The following EPHA4 variants were observed in gnomAD, a reference collection of about 807,000 sequenced individuals.
EPHA4 encodes the protein ephrin type-A receptor 4.
In EPHA4, 19 loss-of-function variants were observed where a neutral mutation model predicts 108.3. The observed-to-expected ratio is 0.18, with a 90% CI of 0.12 to 0.26. The LOEUF (loss-of-function observed/expected upper bound fraction) is 0.26, where lower values mean the gene tolerates loss of function less well. Among genes scored for constraint, EPHA4 ranks in the 10% least tolerant of loss-of-function variants. The pLI, the probability that EPHA4 is intolerant of heterozygous loss-of-function variation, is 1.00. For missense variants in EPHA4, 917 were observed against 1,254.0 expected (o/e 0.73, Z 4.06); for synonymous variants, 449 against 455.5 (o/e 0.99, Z 0.18).
At chr2:221,499,409 G>A (rs985789326) in intron 4 of EPHA4, among the ~76,000 whole-genome samples, 3 of 149,780 alleles carry the variant, frequency 2.0e-5, no homozygotes, top group East Asian at 1.9e-4. Flanking sequence ...TATAAACCAC[G>A]TATTAAGATT....
intron 5 of EPHA4, among the ~76,000 whole-genome samples, chr2:221,458,260 G>A (rs888865108): frequency 1.3e-5 from 2 of 152,162 alleles, no homozygotes; most frequent in African/African-American, 2.4e-5. Flanking sequence ...AGCACGTAGA[G>A]ACATTTCTCA....
chr2:221,495,588 A>T (rs1692272894), intron 4 of EPHA4, among the ~76,000 whole-genome samples: 1 of 152,208 alleles, frequency 6.6e-6, no homozygotes, highest in African/African-American at 2.4e-5. Flanking sequence ...GCTTCCATAG[A>T]AACATCTCAG....
At chr2:221,518,095 C>G (rs374733077) in intron 3 of EPHA4, among the ~76,000 whole-genome samples, 101 of 152,312 alleles carry the variant, frequency 6.6e-4, no homozygotes, top group African/African-American at 2.0e-3. Context: ...CCTCCCAGAA[C>G]AGAATTTCAT....
At chr2:221,456,896 A>G (rs540961961) in intron 6 of EPHA4, 124 bp from the exon 7 acceptor site, 2 of 963,370 alleles carry the variant, frequency 2.1e-6, no homozygotes, top group Admixed American at 4.6e-5. Flanking sequence ...GAGATGAATA[A>G]ACTCTCTGGA....
Position 221,571,224 on chromosome 2 carries a change from C to T in EPHA4, c.91+934G>A, listed in dbSNP as rs900998175. ...CACACCACACATGCAGACATGCACA[C>T]ACACGCAGACATGCACACACACACC... On this transcript the variant is annotated intron_variant, in intron 1 of 17. Coordinates refer to ENST00000281821, the MANE Select transcript of EPHA4 (RefSeq NM_004438.5). This position sits in a 1 kb window ranked among gnomAD's most constrained non-coding sequence, Gnocchi z 6.3. 6.6e-6 allele frequency among the ~76,000 whole-genome samples: 1 copy of T among 151,242 alleles called. No individual in the cohort carries two copies. Among genetic ancestry groups the T allele is most frequent in the East Asian group, 2.0e-4 (1 of 5,072 alleles).
chr2:221,553,404 C>G (rs1466925982), intron 3 of EPHA4, among the ~76,000 whole-genome samples: 1 of 152,094 alleles, frequency 6.6e-6, no homozygotes. Context: ...GGACAAAAGC[C>G]CAAGAGAAAA....
At position 221,419,050 on chromosome 2, in the gene EPHA4, T is replaced by C. The variant is rs963275650; in HGVS notation, c.*2322A>G. The C allele has an allele frequency of 6.6e-6, 1 of 152,382 alleles. No individual in the cohort carries two copies. Among genetic ancestry groups the C allele is most frequent in the African/African-American group, 2.4e-5 (1 of 41,296 alleles). 9.4% of individuals were successfully genotyped at this position (152,382 alleles called of 1,614,324 possible). Reference sequence around the variant, plus strand: ...TCAACAATAAATGGTTCAGAATCTATTTTTTTTCCTCATTTTTCCCTGATT... The same window carrying C: ...TCAACAATAAATGGTTCAGAATCTACTTTTTTTCCTCATTTTTCCCTGATT... On this transcript the variant is annotated 3_prime_UTR_variant, in exon 18 of 18. Transcript: ENST00000281821.
chr2:221,427,900 G>A (rs1689960167), intron 15 of EPHA4, among the ~76,000 whole-genome samples: 1 of 151,932 alleles, frequency 6.6e-6, no homozygotes, highest in African/African-American at 2.4e-5. Flanking sequence ...ACAAAGATTT[G>A]TTTTATCAGT....
intron 5 of EPHA4, among the ~76,000 whole-genome samples, chr2:221,458,428 C>T (rs1691029947): frequency 6.6e-6 from 1 of 152,100 alleles, no homozygotes; most frequent in Admixed American, 6.5e-5. Context: ...TTCATGCAAG[C>T]AAGAGAATGT....
At chr2:221,572,545 A>C (rs1401422385), upstream of EPHA4, 1 of 232,436 alleles carries the variant, frequency 4.3e-6, no homozygotes, top group African/African-American at 2.3e-5. Context: ...GGAGGGAGCC[A>C]GCGGGATCCC....
In EPHA4 at chr2:221,571,940, A is replaced by T. The variant is rs1021721973; in HGVS notation, c.91+218T>A. Among the ~76,000 whole-genome samples the T allele has an allele frequency of 6.6e-6, 1 of 151,902 alleles. No individual in the cohort carries two copies. The highest frequency in any genetic ancestry group is 1.5e-5 in the Non-Finnish European group (1 of 67,962). On this transcript the variant is annotated intron_variant, in intron 1 of 17. Transcript: ENST00000281821. The surrounding 1 kb of genome is among the most constrained non-coding windows in gnomAD (Gnocchi z 6.3). Reference sequence around the variant, plus strand: ...GGCCTTTGGTTACAAACTTGGACAGACCCGCCGCGTGCACGGGTCACCGCC... The same window carrying T: ...GGCCTTTGGTTACAAACTTGGACAGTCCCGCCGCGTGCACGGGTCACCGCC...
intron 5 of EPHA4, among the ~76,000 whole-genome samples, chr2:221,470,228 G>A (rs957227863): frequency 6.6e-5 from 10 of 152,002 alleles, no homozygotes; most frequent in Non-Finnish European, 1.3e-4. Context: ...CCAAGTCCAA[G>A]TGTTGCTTGG....
chr2:221,522,281 A>G (rs978695817), intron 3 of EPHA4, among the ~76,000 whole-genome samples: 3 of 152,246 alleles, frequency 2.0e-5, no homozygotes, highest in African/African-American at 7.2e-5. Flanking sequence ...TCCAGCCATC[A>G]GATAGGGTAT....
chr2:221,435,744 G>A (rs763656523), intron 13 of EPHA4, among the ~76,000 whole-genome samples: 3 of 152,178 alleles, frequency 2.0e-5, no homozygotes, highest in Middle Eastern at 3.4e-3. Context: ...CCTAATCCCC[G>A]CTTATCTACC....
intron 5 of EPHA4, among the ~76,000 whole-genome samples, chr2:221,481,447 C>G (rs558468870): frequency 6.6e-6 from 1 of 151,010 alleles, no homozygotes; most frequent in East Asian, 2.0e-4. Context: ...GTCAGGAGTT[C>G]GAGACCAGCC....
At chr2:221,525,635 A>G (rs1031499080) in intron 3 of EPHA4, among the ~76,000 whole-genome samples, 2 of 152,206 alleles carry the variant, frequency 1.3e-5, no homozygotes, top group African/African-American at 4.8e-5. Context: ...CTTCCTCAGC[A>G]AAATGGGGTT....
intron 13 of EPHA4, among the ~76,000 whole-genome samples, chr2:221,434,543 C>T (rs1690173428): frequency 6.6e-6 from 1 of 152,150 alleles, no homozygotes; most frequent in African/African-American, 2.4e-5. Flanking sequence ...CTGAGCTCTG[C>T]TTAAGGCAAT....
intron 2 of EPHA4, among the ~76,000 whole-genome samples, chr2:221,566,561 A>G (rs895177639): frequency 7.2e-5 from 11 of 152,036 alleles, no homozygotes; most frequent in African/African-American, 2.4e-4. Flanking sequence ...TAATTCTTTT[A>G]TATACAAATA....
intron 11 of EPHA4, among the ~76,000 whole-genome samples, chr2:221,442,577 G>T (rs1173988287): frequency 3.3e-5 from 5 of 152,104 alleles, no homozygotes; most frequent in Non-Finnish European, 5.9e-5. Flanking sequence ...CTGAAGGATG[G>T]CATGGCATAC....
Sources: allele counts gnomAD v4.1 joint callset (sites outside exome capture counted in the v4.1 genomes callset), GRCh38; gene constraint gnomAD v4.1.1; non-coding constraint Gnocchi (gnomAD v3.1); transcripts MANE v1.5; gene names NCBI Gene and HGNC (gene_info 2026-07-23, HGNC 2026-07-21).